The following RNF168 variants were observed in gnomAD, a reference collection of about 807,000 sequenced individuals.
RNF168 encodes ring finger protein 168, also known as E3 ubiquitin-protein ligase RNF168.
A neutral mutation model predicts 34.9 loss-of-function variants in RNF168; 34 were observed. The observed-to-expected ratio is 0.97, with a 90% CI of 0.74 to 1.30. RNF168 has a LOEUF of 1.30. Ranked by LOEUF, RNF168 falls within the 50% of genes most tolerant of loss-of-function variation. RNF168 has a pLI of 0.00. For missense variants in RNF168, 725 were observed against 682.5 expected (o/e 1.06, Z -0.69); for synonymous variants, 264 against 254.7 (o/e 1.04, Z -0.35).
rs1577527292 is a variant in RNF168 at position 196,503,258 on chromosome 3, G to C, written c.-85C>G. On this transcript the variant is annotated 5_prime_UTR_variant, in exon 1 of 6. Coordinates refer to ENST00000318037, the MANE Select transcript of RNF168 (RefSeq NM_152617.4). ...TCGGCCAACCACAGAGAGAGCAAAA[G>C]CAGTTTTGTGTTTCAGTATTATGCC... The C allele has an allele frequency of 2.5e-6, 3 of 1,220,132 alleles. No individual in the cohort carries two copies. The highest frequency in any genetic ancestry group is 4.8e-5 in the East Asian group (2 of 41,746). The allele number at this position is 1,220,132 out of a possible 1,614,324, so 75.6% of individuals were successfully genotyped here.
intron 3 of RNF168, among the ~76,000 whole-genome samples, chr3:196,484,479 T>A (rs1732376629): frequency 4.7e-5 from 1 of 21,124 alleles, no homozygotes; most frequent in Non-Finnish European, 1.1e-4. Context: ...CGGCCTTTTT[T>A]TTTTTTTTTT....
In RNF168 at chr3:196,472,545, G is replaced by T. The variant is rs531465143; in HGVS notation, c.990C>A (p.His330Gln). ...NHGKELCVLS[H>Q]ERPKTRVPYS... ...AGGGAACTCTGGTTTTAGGTCGCTCGTGACTTAAGACACATAACTCTTTCC... is the reference window on the plus strand; with the variant it reads ...AGGGAACTCTGGTTTTAGGTCGCTCTTGACTTAAGACACATAACTCTTTCC... Residue 330 changes from histidine to glutamine, a missense_variant, in exon 6 of 6, where the codon CAC becomes CAA. His to Gln is a conservative substitution (Grantham distance 24, BLOSUM62 0). Coordinates refer to ENST00000318037, the MANE Select transcript of RNF168 (RefSeq NM_152617.4). The T allele has an allele frequency of 6.2e-7, 1 of 1,614,162 alleles. No homozygotes were observed. The highest frequency in any genetic ancestry group is 1.3e-5 in the African/African-American group (1 of 75,030).
rs1391881167 is a variant in RNF168, at chr3:196,483,656, T to C, written c.680+114A>G. 4.4e-6 allele frequency: 4 copies of C among 908,354 alleles called. No homozygotes were observed. In the African/African-American group the frequency reaches 4.9e-5, roughly 11 times the overall value. 56.3% of individuals were successfully genotyped at this position (908,354 alleles called of 1,614,324 possible). The stretch of plus-strand genomic sequence containing the variant: ...TTCAATTTACCTCAACCTCAGACTA[T>C]TTTCATACAAAGTTCACGGACCAAA... On this transcript the variant is annotated intron_variant, in intron 4 of 5. Transcript: ENST00000318037.
intron 1 of RNF168, among the ~76,000 whole-genome samples, chr3:196,492,908 G>C (rs956856549): frequency 4.4e-4 from 67 of 152,232 alleles, no homozygotes; most frequent in African/African-American, 1.5e-3. Flanking sequence ...TGGCTATTAA[G>C]TGGCAATCAA....
intron 1 of RNF168, among the ~76,000 whole-genome samples, chr3:196,499,731 G>A (rs1223086126): frequency 6.6e-6 from 1 of 152,144 alleles, no homozygotes; most frequent in African/African-American, 2.4e-5. Flanking sequence ...TGAGGCAGGA[G>A]AATGCCCACA....
Position 196,472,278 on chromosome 3 carries a change from C to G in RNF168, c.1257G>C (p.Glu419Asp). ...TTTGGGTAAAGTTTATTTCTGTTTCCTCTTGATCTGGGGAAGATTCGGGGG... is the reference window on the plus strand; with the variant it reads ...TTTGGGTAAAGTTTATTTCTGTTTCGTCTTGATCTGGGGAAGATTCGGGGG... ...KVSPESSPDQ[E>D]ETEINFTQKL... Residue 419 changes from glutamate to aspartate, a missense_variant, in exon 6 of 6, where the codon GAG becomes GAC. Coordinates refer to ENST00000318037, the MANE Select transcript of RNF168 (RefSeq NM_152617.4). 6.2e-7 allele frequency: 1 copy of G among 1,613,974 alleles called. No individual in the cohort carries two copies. Among genetic ancestry groups the G allele is most frequent in the South Asian group, 1.1e-5 (1 of 91,080 alleles).
At chr3:196,497,021 C>T (rs920788197) in intron 1 of RNF168, among the ~76,000 whole-genome samples, 1 of 152,058 alleles carries the variant, frequency 6.6e-6, no homozygotes, top group African/African-American at 2.4e-5. Flanking sequence ...TGGTACATGC[C>T]TGTAATCGCA....
In RNF168 at chr3:196,477,608, G is replaced by A. The variant is rs191998133; in HGVS notation, c.681-2296C>T. Among the ~76,000 whole-genome samples, 28 of 152,202 alleles carry A rather than the reference G, an allele frequency of 1.8e-4. No individual in the cohort carries two copies. In the East Asian group the frequency reaches 4.2e-3, roughly 23 times the overall value. ...GAATTCTTTCTGTCAATGCTGATGC[G>A]GGACCACTACTTACGAAGCATACCA... On this transcript the variant is annotated intron_variant, in intron 4 of 5. Coordinates refer to ENST00000318037, the MANE Select transcript of RNF168 (RefSeq NM_152617.4).
intron 4 of RNF168, among the ~76,000 whole-genome samples, chr3:196,476,176 C>A (rs886477222): frequency 2.6e-5 from 4 of 151,882 alleles, no homozygotes; most frequent in Admixed American, 6.6e-5. Flanking sequence ...TTTCTTAATT[C>A]TTGAAAAAAG....
chr3:196,488,787 C>T (rs1732519654), intron 1 of RNF168, 104 bp from the exon 2 acceptor site: 2 of 626,724 alleles, frequency 3.2e-6, no homozygotes, highest in Non-Finnish European at 5.8e-6. Flanking sequence ...CTATTAATAA[C>T]TGCAGCAATA....
intron 4 of RNF168, among the ~76,000 whole-genome samples, chr3:196,479,755 A>G (rs981387831): frequency 1.3e-5 from 2 of 150,902 alleles, no homozygotes; most frequent in Non-Finnish European, 3.0e-5. Context: ...ACGCCTGGCT[A>G]ATTTTTTTGT....
In RNF168 at chr3:196,490,144, T is replaced by C. The variant is rs549036414; in HGVS notation, c.302-1461A>G. On this transcript the variant is annotated intron_variant, in intron 1 of 5. Coordinates refer to ENST00000318037, the MANE Select transcript of RNF168 (RefSeq NM_152617.4). ...AGCTAATCCAAGGATCGTCAGACAT[T>C]TGAAATACATCTGCAGGACTAGGGA... Among the ~76,000 whole-genome samples, 465 of 152,212 alleles carry C rather than the reference T, an allele frequency of 3.1e-3. 1 individual carries two copies. The highest frequency in any genetic ancestry group is 0.024 in the Middle Eastern group (7 of 294).
At chr3:196,481,056 G>A (rs775042980) in intron 4 of RNF168, among the ~76,000 whole-genome samples, 1 of 152,020 alleles carries the variant, frequency 6.6e-6, no homozygotes, top group Non-Finnish European at 1.5e-5. Flanking sequence ...TTTATATCTG[G>A]CAACCTTGCT....
intron 4 of RNF168, among the ~76,000 whole-genome samples, chr3:196,482,160 C>T (rs979313264): frequency 6.6e-6 from 1 of 152,064 alleles, no homozygotes; most frequent in Non-Finnish European, 1.5e-5. Flanking sequence ...ACCACTTTAG[C>T]CACATACCAG....
At chr3:196,491,101 T>C (rs113377677) in intron 1 of RNF168, among the ~76,000 whole-genome samples, 16,642 of 151,740 alleles carry the variant, frequency 0.11, 1,172 homozygotes, top group Middle Eastern at 0.17. Flanking sequence ...GATCATGAGG[T>C]CAGGAGTTCG....
rs1732953008 is a variant in RNF168, at chr3:196,503,374, G to A, written c.-201C>T. 5.0e-6 allele frequency: 3 copies of A among 604,424 alleles called. No homozygotes were observed. The highest frequency in any genetic ancestry group is 3.7e-5 in the African/African-American group (2 of 53,850). The allele number at this position is 604,424 out of a possible 1,614,324, so 37.4% of individuals were successfully genotyped here. A position where few individuals can be genotyped will look rare whatever the true frequency, so the allele number is the denominator to read the frequency against. On this transcript the variant is annotated 5_prime_UTR_variant, in exon 1 of 6. Transcript: ENST00000318037. ...AGGGTCAGGCAAACAGGAATACCCC[G>A]GAGGGCGGCGTCTTTGTCCATTTTC...
intron 1 of RNF168, among the ~76,000 whole-genome samples, chr3:196,502,587 CAAA>C (rs1170053741): frequency 1.7e-5 from 2 of 120,868 alleles, no homozygotes; most frequent in Non-Finnish European, 1.8e-5. Context: ...GATCCTGTCT[CAAA>C]AAAAAAAAAA....
intron 1 of RNF168, among the ~76,000 whole-genome samples, chr3:196,490,005 G>A (rs1732555744): frequency 6.6e-6 from 1 of 152,158 alleles, no homozygotes; most frequent in African/African-American, 2.4e-5. Flanking sequence ...GGCAGTTAGG[G>A]ATGGCAAAGC....
chr3:196,499,386 G>T (rs150155558), intron 1 of RNF168, among the ~76,000 whole-genome samples: 44 of 152,202 alleles, frequency 2.9e-4, no homozygotes, highest in African/African-American at 1.0e-3. Flanking sequence ...CTAGCATCTT[G>T]GGTTTGGAGT....
Sources: allele counts gnomAD v4.1 joint callset (sites outside exome capture counted in the v4.1 genomes callset), GRCh38; gene constraint gnomAD v4.1.1; transcripts MANE v1.5; gene names NCBI Gene and HGNC (gene_info 2026-07-23, HGNC 2026-07-21).